Variants in CDC20B observed in about 807,000 individuals in gnomAD.
CDC20B encodes cell division cycle protein 20 homolog B.
A neutral mutation model predicts 64.1 loss-of-function variants in CDC20B; 58 were observed. That is an observed-to-expected ratio of 0.90 (90% confidence interval 0.73 to 1.13). The LOEUF (loss-of-function observed/expected upper bound fraction) is 1.13. Among genes scored for constraint, CDC20B ranks in the 50% most tolerant of loss-of-function variants. The pLI is 0.00. For missense variants in CDC20B, 597 were observed against 633.0 expected, an observed-to-expected ratio of 0.94 and a Z score of 0.61; for synonymous variants, 243 against 230.6, an observed-to-expected ratio of 1.05 and a Z score of -0.49.
rs367594319 is a variant in CDC20B at position 55,128,621 on chromosome 5, T to C, written c.698-4A>G. ...CTCCAATCTAGGATATTCAGATCTA[T>C]AAGAAAAGCACTTCAAATTAGTATA... On this transcript the variant is annotated splice_polypyrimidine_tract_variant and splice_region_variant and intron_variant, in intron 6 of 11. Transcript: ENST00000381375. 3.3e-5 allele frequency: 51 copies of C among 1,536,976 alleles called. 1 individual carries two copies. The highest frequency in any genetic ancestry group is 2.9e-4 in the East Asian group (12 of 41,160).
chr5:55,130,658 A>C (rs1405854550), intron 6 of CDC20B, among the ~76,000 whole-genome samples: 6 of 152,242 alleles, frequency 3.9e-5, no homozygotes, highest in Non-Finnish European at 7.3e-5. Flanking sequence ...TTCAGGCTAA[A>C]GGGACAATAT....
At chr5:55,143,370 C>T in intron 4 of CDC20B, 143 bp downstream of exon 4, 2 of 811,150 alleles carry the variant, frequency 2.5e-6, no homozygotes, top group South Asian at 3.1e-5. Flanking sequence ...TATTCATATC[C>T]TTCAATTATT....
chr5:55,159,209 G>T (rs1034093070), intron 2 of CDC20B, among the ~76,000 whole-genome samples: 2 of 152,082 alleles, frequency 1.3e-5, no homozygotes, highest in Admixed American at 6.6e-5. Flanking sequence ...AGAGACAGGG[G>T]TATCGCTTTC....
chr5:55,115,533 A>C (rs1742602542), intron 11 of CDC20B, among the ~76,000 whole-genome samples: 1 of 152,202 alleles, frequency 6.6e-6, no homozygotes, highest in South Asian at 2.1e-4. Context: ...TTTAATGATC[A>C]AAACTTTAGG....
intron 11 of CDC20B, among the ~76,000 whole-genome samples, chr5:55,116,886 T>C (rs1742637412): frequency 6.6e-6 from 1 of 152,236 alleles, no homozygotes; most frequent in African/African-American, 2.4e-5. Context: ...GCATTTGGAC[T>C]GGACGCAAAG....
chr5:55,165,639 G>A (rs1407928771), intron 2 of CDC20B: 3 of 152,184 alleles, frequency 2.0e-5, no homozygotes, highest in East Asian at 3.9e-4. Flanking sequence ...CAGCCACCCA[G>A]CTATGAATGT....
chr5:55,168,080 C>T (rs548006560), intron 2 of CDC20B, among the ~76,000 whole-genome samples: 25 of 151,992 alleles, frequency 1.6e-4, no homozygotes, highest in African/African-American at 5.8e-4. Context: ...TAGTCCTCTG[C>T]TTGATTTTAT....
chr5:55,144,526 C>T (rs1001644894), intron 3 of CDC20B, among the ~76,000 whole-genome samples: 43 of 152,210 alleles, frequency 2.8e-4, no homozygotes, highest in African/African-American at 1.0e-3. Context: ...GAGCCTAGTA[C>T]CTTAAGTACT....
At chr5:55,132,657 T>C (rs143148343) in intron 6 of CDC20B, among the ~76,000 whole-genome samples, 1 of 152,234 alleles carries the variant, frequency 6.6e-6, no homozygotes, top group African/African-American at 2.4e-5. Context: ...GCATTCTGCA[T>C]ACTCTGCCAT....
chr5:55,132,175 G>T (rs1265816279), intron 6 of CDC20B, among the ~76,000 whole-genome samples: 1 of 152,138 alleles, frequency 6.6e-6, no homozygotes, highest in South Asian at 2.1e-4. Context: ...TTCTTAGTTG[G>T]TCATGACAAT....
In CDC20B at chr5:55,144,739, A is replaced by T. The variant is rs28571652; in HGVS notation, c.356-1096T>A. Among the ~76,000 whole-genome samples, 1,285 of 152,328 alleles carry T rather than the reference A, an allele frequency of 8.4e-3. 26 individuals carry two copies. The highest frequency in any genetic ancestry group is 0.029 in the African/African-American group (1,205 of 41,570). ...ATGAGAAAGAAAAAGTTGCAGTCAG[A>T]GGCTAGTACTGACAATCATCACAGT... On this transcript the variant is annotated intron_variant, in intron 3 of 11. Coordinates refer to ENST00000381375, the MANE Select transcript of CDC20B (RefSeq NM_001170402.1).
chr5:55,147,367 A>T (rs1329958469), intron 2 of CDC20B, among the ~76,000 whole-genome samples: 1 of 142,732 alleles, frequency 7.0e-6, no homozygotes, highest in Non-Finnish European at 1.5e-5. Context: ...ATATAAACAT[A>T]AGTATGTTAT....
chr5:55,141,537 G>A (rs954191557), intron 4 of CDC20B, among the ~76,000 whole-genome samples: 4 of 152,090 alleles, frequency 2.6e-5, no homozygotes, highest in South Asian at 4.1e-4. Flanking sequence ...GGAGTTATAC[G>A]CCTGTGCTCT....
intron 2 of CDC20B, chr5:55,161,345 C>T: frequency 8.0e-7 from 1 of 1,249,026 alleles, no homozygotes; most frequent in Non-Finnish European, 1.1e-6. Context: ...TCATTTGAAA[C>T]GTTGTATCGG....
intron 2 of CDC20B, among the ~76,000 whole-genome samples, chr5:55,158,738 A>T (rs1286870030): frequency 6.6e-6 from 1 of 152,200 alleles, no homozygotes; most frequent in Non-Finnish European, 1.5e-5. Context: ...AACAGAGCAG[A>T]ATTGAAAGTG....
At chr5:55,140,885 T>C (rs961213119) in intron 4 of CDC20B, among the ~76,000 whole-genome samples, 28 of 152,166 alleles carry the variant, frequency 1.8e-4, no homozygotes, top group African/African-American at 6.3e-4. Context: ...TCTGACACTC[T>C]TACATCCAAC....
At chr5:55,120,601 A>G (rs1191483818) in intron 9 of CDC20B, 51 bp from the exon 10 acceptor site, 2 of 1,603,468 alleles carry the variant, frequency 1.2e-6, no homozygotes, top group Admixed American at 3.4e-5. Flanking sequence ...AAGGAGGTGC[A>G]CTCATGAATG....
chr5:55,165,730 T>G (rs927358273), intron 2 of CDC20B: 5 of 152,242 alleles, frequency 3.3e-5, no homozygotes, highest in African/African-American at 1.2e-4. Context: ...GAATGCCAGA[T>G]GAGTGTGTCA....
chr5:55,170,770 A>G, intron 2 of CDC20B: 1 of 508,818 alleles, frequency 2.0e-6, no homozygotes. Flanking sequence ...CCAGGCAGTC[A>G]CTGAGGCTAA....
Sources: gnomAD v4.1 joint callset for allele counts (sites outside exome capture counted in the v4.1 genomes callset) on GRCh38, gnomAD v4.1.1 for gene constraint, MANE v1.5 for transcripts, NCBI Gene and HGNC (gene_info 2026-07-23, HGNC 2026-07-21) for gene names.